The following MYO3A variants were observed in gnomAD, a reference collection of about 807,000 sequenced individuals.
The protein encoded by MYO3A is myosin IIIA.
A neutral mutation model predicts 192.7 loss-of-function variants in MYO3A; 180 were observed. The ratio of observed to expected loss-of-function variants is 0.93; its 90% CI spans 0.83 to 1.06. MYO3A has a LOEUF of 1.06. Among genes scored for constraint, MYO3A ranks in the 50% least tolerant of loss-of-function variants. The pLI is 0.00. For synonymous variants in MYO3A, 628 were observed against 645.3 expected (o/e 0.97, Z 0.41); for missense variants, 1,896 against 1,905.0 (o/e 1.00, Z 0.09).
intron 9 of MYO3A, among the ~76,000 whole-genome samples, chr10:26,025,687 T>C (rs1250912131): frequency 6.6e-6 from 1 of 152,222 alleles, no homozygotes; most frequent in Non-Finnish European, 1.5e-5. Context: ...CAAAGTCAGC[T>C]GTCACAGCTG....
intron 26 of MYO3A, among the ~76,000 whole-genome samples, chr10:26,164,240 A>C (rs1841618971): frequency 6.6e-6 from 1 of 152,196 alleles, no homozygotes; most frequent in Admixed American, 6.5e-5. Context: ...CAGATGAGCG[A>C]GGCTTAAGGT....
chr10:26,155,224 C>T (rs1841043855), intron 25 of MYO3A, among the ~76,000 whole-genome samples: 1 of 152,154 alleles, frequency 6.6e-6, no homozygotes, highest in Non-Finnish European at 1.5e-5. Context: ...TATCACCCTG[C>T]CTGTACAGAG....
intron 10 of MYO3A, among the ~76,000 whole-genome samples, chr10:26,065,812 T>TACAAA: frequency 6.6e-6 from 1 of 151,604 alleles, no homozygotes; most frequent in Non-Finnish European, 1.5e-5. Context: ...ACAGAAGCTA[T>TACAAA]TATAGTATAC....
In MYO3A at chr10:26,203,059, G is replaced by A. The variant is rs773690359; in HGVS notation, c.4682G>A (p.Arg1561Gln). The change falls in exon 34 of 35, where the codon CGA (arginine) becomes CAA (glutamine). Residue 1561 changes from arginine (R) to glutamine (Q), a missense_variant. Coordinates refer to ENST00000642920, the MANE Select transcript of MYO3A (RefSeq NM_017433.5). ...GAACATAGCCCTAGTTTAAGAGAAC[G>A]AAGACCACAGCAAGAACTCCAGAAT... Reference protein sequence around the residue: ...PKEHSPSLRERRPQQELQNQC... With the variant: ...PKEHSPSLREQRPQQELQNQC... 2.5e-6 allele frequency: 4 copies of A among 1,613,610 alleles called. No individual in the cohort carries two copies. The African/African-American group carries it at 4.0e-5, about 16-fold the overall frequency.
chr10:26,034,926 CGTGTGTGT>C (rs146134022), intron 10 of MYO3A, among the ~76,000 whole-genome samples: 2 of 147,690 alleles, frequency 1.4e-5, no homozygotes, highest in African/African-American at 5.0e-5. Context: ...TTACATGAAG[CGTGTGTGT>C]GTGTGTGTGT....
At chr10:26,061,309 T>C (rs1834464908) in intron 10 of MYO3A, among the ~76,000 whole-genome samples, 1 of 152,166 alleles carries the variant, frequency 6.6e-6, no homozygotes, top group African/African-American at 2.4e-5. Flanking sequence ...TTTCTCAAGG[T>C]ATAGCAGGAA....
At chr10:25,984,426 G>A (rs187778123) in intron 4 of MYO3A, among the ~76,000 whole-genome samples, 79 of 152,226 alleles carry the variant, frequency 5.2e-4, no homozygotes, top group Admixed American at 4.3e-3. Flanking sequence ...GTTTTTCGCA[G>A]GCTACATAAA....
At position 26,211,817 on chromosome 10, in the gene MYO3A, A is replaced by T. The variant is rs774842251; in HGVS notation, c.4731-26A>T. On this transcript the variant is annotated intron_variant, in intron 34 of 34. Coordinates refer to ENST00000642920, the MANE Select transcript of MYO3A (RefSeq NM_017433.5). Reference sequence around the variant, plus strand: ...CGCTGCTCACTGTGGTGAGGTTGACACTTGGGCCCTGGGTTTCACTTGCAG... The same window carrying T: ...CGCTGCTCACTGTGGTGAGGTTGACTCTTGGGCCCTGGGTTTCACTTGCAG... 21 of 1,613,756 alleles carry T rather than the reference A, an allele frequency of 1.3e-5. 1 individual carries two copies. The South Asian group carries it at 2.2e-4, about 17-fold the overall frequency.
At chr10:26,122,817 T>G (rs7904196) in intron 18 of MYO3A, among the ~76,000 whole-genome samples, 106,036 of 152,028 alleles carry the variant, frequency 0.7, 37,194 homozygotes, top group Middle Eastern at 0.75. Context: ...CTTTGTTTTA[T>G]AAAGTATTGT....
At chr10:26,168,340 T>C (rs957594698) in intron 27 of MYO3A, among the ~76,000 whole-genome samples, 2 of 147,908 alleles carry the variant, frequency 1.4e-5, no homozygotes, top group Non-Finnish European at 3.0e-5. Context: ...TTCAGATTTT[T>C]TTAATTTGGG....
At chr10:26,009,432 C>A (rs1275263958) in intron 6 of MYO3A, among the ~76,000 whole-genome samples, 1 of 152,088 alleles carries the variant, frequency 6.6e-6, no homozygotes, top group Non-Finnish European at 1.5e-5. Context: ...AAAGCAGTCT[C>A]ACAAATGAGA....
intron 4 of MYO3A, among the ~76,000 whole-genome samples, chr10:25,985,360 G>A (rs1242514279): frequency 6.6e-6 from 1 of 151,282 alleles, no homozygotes; most frequent in Non-Finnish European, 1.5e-5. Flanking sequence ...AAGAAATAAT[G>A]AAGATCAGAA....
chr10:26,120,922 C>T (rs1160699837), intron 18 of MYO3A, 120 bp downstream of exon 18: 4 of 1,282,206 alleles, frequency 3.1e-6, no homozygotes, highest in Non-Finnish European at 3.3e-6. Flanking sequence ...AAAGAATACT[C>T]AGATTTAATG....
At chr10:26,073,697 G>T (rs982543037) in intron 14 of MYO3A, among the ~76,000 whole-genome samples, 5 of 152,016 alleles carry the variant, frequency 3.3e-5, no homozygotes, top group African/African-American at 1.2e-4. Flanking sequence ...AAGCTCAAAT[G>T]CATTATGCAA....
In MYO3A at chr10:26,157,351, A is replaced by G; in HGVS notation, c.2835A>G (p.Gln945=). Residue 945 remains glutamine, a synonymous_variant, in exon 26 of 35, where the codon CAA becomes CAG. Transcript: ENST00000642920. The part of the protein sequence containing the change: ...MDLLSKMVVG[Q]PHFVRCIKPN... ...TGTTGTCTAAAATGGTGGTGGGCCA[A>G]CCTCATTTTGTCCGTTGCATCAAAC... 2 of 1,614,144 alleles carry G rather than the reference A, an allele frequency of 1.2e-6. No homozygotes were observed. Among genetic ancestry groups the G allele is most frequent in the Admixed American group, 1.7e-5 (1 of 60,016 alleles).
At chr10:26,072,572 A>T (rs575219893) in intron 14 of MYO3A, among the ~76,000 whole-genome samples, 3 of 152,292 alleles carry the variant, frequency 2.0e-5, no homozygotes, top group African/African-American at 7.2e-5. Flanking sequence ...GGATGTGGTG[A>T]TCTAGTGAGT....
At chr10:26,062,530 A>AAAAAAAAACAAAAAAAACAAAAAAAAACG (rs1554816581) in intron 10 of MYO3A, among the ~76,000 whole-genome samples, 8 of 126,008 alleles carry the variant, frequency 6.3e-5, no homozygotes, top group Admixed American at 1.6e-4. Context: ...AAAAAAAAAA[A>AAAAAAAAACAAAAAAAACAAAAAAAAACG]AAATTATGGA....
intron 14 of MYO3A, among the ~76,000 whole-genome samples, chr10:26,074,206 A>T (rs1588904825): frequency 1.3e-5 from 2 of 152,284 alleles, no homozygotes; most frequent in South Asian, 2.1e-4. Flanking sequence ...GTGTTGCAAA[A>T]CACCAATAGG....
chr10:26,022,319 T>C (rs1476801408), intron 8 of MYO3A: 2 of 152,170 alleles, frequency 1.3e-5, no homozygotes, highest in South Asian at 2.1e-4. Flanking sequence ...AGATAACTAA[T>C]GTGAAAAGAC....
Sources: allele counts gnomAD v4.1 joint callset (sites outside exome capture counted in the v4.1 genomes callset), GRCh38; gene constraint gnomAD v4.1.1; transcripts MANE v1.5; gene names NCBI Gene and HGNC (gene_info 2026-07-23, HGNC 2026-07-21).